The following POLD1 variants were observed in gnomAD, a reference collection of about 807,000 sequenced individuals.
The protein encoded by POLD1 is DNA polymerase delta catalytic subunit.
A neutral mutation model predicts 129.7 loss-of-function variants in POLD1; 79 were observed. That is an observed-to-expected ratio of 0.61 (90% confidence interval 0.51 to 0.73). The LOEUF (loss-of-function observed/expected upper bound fraction) is 0.73. POLD1 is among the 30% of genes least tolerant of loss of function. The pLI is 0.00. For synonymous variants in POLD1, 714 were observed against 683.3 expected (o/e 1.04, Z -0.70); for missense variants, 1,338 against 1,595.8 (o/e 0.84, Z 2.75).
intron 13 of POLD1, 35 bp downstream of exon 13, chr19:50,407,209 C>T (rs1324037552): frequency 6.3e-7 from 1 of 1,577,414 alleles, no homozygotes; most frequent in Admixed American, 1.7e-5. Flanking sequence ...CCACCCCCCA[C>T]CAGGCACGTC....
rs56051075 is a variant in POLD1, at chr19:50,413,734, G to A, written c.2251-8G>A. 163 of 1,592,624 alleles carry A rather than the reference G, an allele frequency of 1.0e-4. No individual in the cohort carries two copies. The highest frequency in any genetic ancestry group is 4.7e-4 in the East Asian group (21 of 44,674). ...CTTCTCACATACACACATCCCCACC[G>A]CCCGCAGGTGGTGTATGGTGACACT... On this transcript the variant is annotated splice_polypyrimidine_tract_variant and splice_region_variant and intron_variant, in intron 18 of 26. Coordinates refer to ENST00000440232, the MANE Select transcript of POLD1 (RefSeq NM_002691.4).
chr19:50,387,470 G>A (rs2038012098), intron 1 of POLD1, among the ~76,000 whole-genome samples: 1 of 152,104 alleles, frequency 6.6e-6, no homozygotes, highest in South Asian at 2.1e-4. Context: ...GACAGTGTTT[G>A]CCAAGCTCTC....
rs924421666 is a variant in POLD1 at position 50,406,297 on chromosome 19, G to A, written c.1358G>A (p.Gly453Asp). The change falls in exon 11 of 27, where the codon GGC becomes GAC. Residue 453 changes from glycine (G) to aspartate (D), a missense_variant. Transcript: ENST00000440232. This position sits in a 1 kb window ranked among gnomAD's most constrained non-coding sequence, Gnocchi z 5.5. ...GACACCAAGGTTGTCAGCATGGTGG[G>A]CCGCGTGCAGATGGACATGCTGCAG... is the stretch of plus-strand genomic sequence containing the variant. ...RRDTKVVSMV[G>D]RVQMDMLQVL... 6.2e-7 allele frequency: 1 copy of A among 1,613,868 alleles called. No individual in the cohort carries two copies. The highest frequency in any genetic ancestry group is 1.7e-5 in the Admixed American group (1 of 59,998).
At position 50,417,919 on chromosome 19, in the gene POLD1, TCG is replaced by T. The variant is rs774141043; in HGVS notation, c.3297_3298del (p.Phe1099LeufsTer6). ...GACCAGGAGCAGCTCCTGCGGCGCT[TCG>T]GACCCCCTGGACCTGAGGCCTGGTG... On this transcript the variant is annotated frameshift_variant, in exon 27 of 27. Coordinates refer to ENST00000440232, the MANE Select transcript of POLD1 (RefSeq NM_002691.4). LOFTEE classifies it high-confidence loss of function. 6.2e-7 allele frequency: 1 copy of T among 1,610,936 alleles called. No individual in the cohort carries two copies. Among genetic ancestry groups the T allele is most frequent in the Non-Finnish European group, 8.5e-7 (1 of 1,178,640 alleles).
chr19:50,395,443 G>A (rs1348404742), intron 1 of POLD1, among the ~76,000 whole-genome samples: 2 of 152,096 alleles, frequency 1.3e-5, no homozygotes, highest in Non-Finnish European at 2.9e-5. Context: ...AATTAGGCGG[G>A]CGCAGTGGCG....
intron 26 of POLD1, among the ~76,000 whole-genome samples, chr19:50,417,521 C>T (rs1346102666): frequency 3.3e-5 from 5 of 152,164 alleles, no homozygotes; most frequent in Admixed American, 6.5e-5. Context: ...GCTGTCCTCC[C>T]GACACACCCA....
At position 50,402,458 on chromosome 19, in the gene POLD1, A is replaced by T; in HGVS notation, c.763A>T (p.Met255Leu). Residue 255 changes from methionine to leucine, a missense_variant, in exon 7 of 27, where the codon ATG (methionine) becomes TTG (leucine). Met to Leu is a conservative substitution (Grantham distance 15, BLOSUM62 2). Transcript: ENST00000440232. ...EANVDFEIRF[M>L]VDTDIVGCNW... Reference sequence around the variant, plus strand: ...CTGACCCCCAGCCCCCTCCAGGTTCATGGTGGACACGGACATCGTCGGCTG... The same window carrying T: ...CTGACCCCCAGCCCCCTCCAGGTTCTTGGTGGACACGGACATCGTCGGCTG... 6.2e-7 allele frequency: 1 copy of T among 1,612,888 alleles called. No individual in the cohort carries two copies. Among genetic ancestry groups the T allele is most frequent in the Non-Finnish European group, 8.5e-7 (1 of 1,179,476 alleles).
At chr19:50,403,986 C>G (rs926474845) in intron 10 of POLD1, among the ~76,000 whole-genome samples, 13 of 152,212 alleles carry the variant, frequency 8.5e-5, no homozygotes, top group African/African-American at 3.1e-4. Context: ...ATTCCGGATG[C>G]TTCTTGAGTC....
chr19:50,402,793 G>A (rs2122263087), intron 8 of POLD1, 52 bp downstream of exon 8: 1 of 1,547,934 alleles, frequency 6.5e-7, no homozygotes, highest in South Asian at 1.2e-5. Context: ...GCCAAGTCGG[G>A]GGTCGGAAAG....
Position 50,403,202 on chromosome 19 carries a change from G to T in POLD1, c.1120G>T (p.Glu374Ter). The T allele has an allele frequency of 6.4e-7, 1 of 1,558,598 alleles. No homozygotes were observed. Among genetic ancestry groups the T allele is most frequent in the Admixed American group, 1.9e-5 (1 of 52,036 alleles). Reference protein sequence around the residue: ...LGAKVQSYEKEEDLLQAWSTF... With the variant: ...LGAKVQSYEK ...TGCCAAGGTGCAGAGCTACGAGAAG[G>T]AGGAGGACCTGCTGCAGGTAGCTCT... The change falls in exon 9 of 27, where the codon GAG becomes TAG. Residue 374 changes from glutamate (E) to a stop codon, truncating the protein, a stop_gained. Transcript: ENST00000440232. LOFTEE classifies it high-confidence loss of function.
At chr19:50,410,819 G>A (rs2039062898) in intron 17 of POLD1, among the ~76,000 whole-genome samples, 1 of 152,054 alleles carries the variant, frequency 6.6e-6, no homozygotes, top group Non-Finnish European at 1.5e-5. Context: ...CCTGTGACTG[G>A]CCTTAGTGAC....
In POLD1 at chr19:50,409,532, C is replaced by T. The variant is rs1409758237; in HGVS notation, c.2020C>T (p.Leu674=). 5 of 1,613,444 alleles carry T rather than the reference C, an allele frequency of 3.1e-6. No individual in the cohort carries two copies. Among genetic ancestry groups the T allele is most frequent in the African/African-American group, 2.7e-5 (2 of 74,956 alleles). ...LSARKRAKAE[L]AKETDPLRRQ... is the part of the protein sequence containing the mutation. ...GTTCCCTCGCAGGGCCAAGGCCGAGCTGGCCAAGGAGACAGACCCCCTCCG... is the reference window on the plus strand; with the variant it reads ...GTTCCCTCGCAGGGCCAAGGCCGAGTTGGCCAAGGAGACAGACCCCCTCCG... Residue 674 remains leucine (L), a synonymous_variant, in exon 17 of 27, where the codon CTG becomes TTG. Coordinates refer to ENST00000440232, the MANE Select transcript of POLD1 (RefSeq NM_002691.4). The surrounding 1 kb of genome is among the most constrained non-coding windows in gnomAD (Gnocchi z 5.8).
chr19:50,395,501 G>A (rs1033886145), intron 1 of POLD1, among the ~76,000 whole-genome samples: 3 of 151,782 alleles, frequency 2.0e-5, no homozygotes, highest in Non-Finnish European at 2.9e-5. Flanking sequence ...GGAGAATGGC[G>A]TGAACCCGGG....
intron 10 of POLD1, among the ~76,000 whole-genome samples, chr19:50,405,289 C>T (rs995777882): frequency 1.1e-4 from 16 of 152,174 alleles, no homozygotes; most frequent in Admixed American, 2.6e-4. Flanking sequence ...TGACCCCCTG[C>T]GAAGACATAT....
chr19:50,404,223 AC>A (rs2038778437), intron 10 of POLD1, among the ~76,000 whole-genome samples: 1 of 150,198 alleles, frequency 6.7e-6, no homozygotes, highest in African/African-American at 2.5e-5. Flanking sequence ...GCCTCTTCAC[AC>A]CGTCTTCTCT....
intron 1 of POLD1, chr19:50,395,227 C>G (rs767635880): frequency 2.5e-5 from 3 of 120,042 alleles, no homozygotes; most frequent in Non-Finnish European, 3.3e-5. Context: ...GTAGGCCGGG[C>G]GCGGTGGCTG....
At chr19:50,413,022 G>T (rs1406220054) in intron 17 of POLD1, among the ~76,000 whole-genome samples, 1 of 152,100 alleles carries the variant, frequency 6.6e-6, no homozygotes, top group Non-Finnish European at 1.5e-5. Context: ...GCCAGTTCTG[G>T]TGGTACAGGG....
chr19:50,407,906 T>C (rs1294513577), intron 14 of POLD1, among the ~76,000 whole-genome samples: 2 of 150,864 alleles, frequency 1.3e-5, no homozygotes, highest in African/African-American at 4.9e-5. Context: ...GGCGTGGTGG[T>C]GCATGCCTGT....
intron 1 of POLD1, among the ~76,000 whole-genome samples, chr19:50,396,083 GT>G (rs913090597): frequency 1.5e-5 from 2 of 133,000 alleles, no homozygotes; most frequent in Non-Finnish European, 3.1e-5. Flanking sequence ...GTTGGTGGTG[GT>G]TTTTTTTTGT....
Sources: allele counts gnomAD v4.1 joint callset (sites outside exome capture counted in the v4.1 genomes callset), GRCh38; gene constraint gnomAD v4.1.1; non-coding constraint Gnocchi (gnomAD v3.1); transcripts MANE v1.5; gene names NCBI Gene and HGNC (gene_info 2026-07-23, HGNC 2026-07-21).